Variants in CCDC171 observed in about 807,000 individuals in gnomAD.
The protein encoded by CCDC171 is coiled-coil domain containing 171.
In CCDC171, 177 loss-of-function variants were observed where a neutral mutation model predicts 168.2. That is an observed-to-expected ratio of 1.05 (90% CI 0.93 to 1.19). The LOEUF is 1.19. CCDC171 is among the 50% of genes most tolerant of loss of function. The probability of loss-of-function intolerance (pLI) is 0.00; values close to 1 mark genes in which losing one functional copy is unlikely to be tolerated. For missense variants in CCDC171, 1,991 were observed against 1,539.0 expected (o/e 1.29, Z -4.91); for synonymous variants, 687 against 540.8 (o/e 1.27, Z -3.75).
chr9:15,607,027 A>G (rs928790423), intron 6 of CCDC171, among the ~76,000 whole-genome samples: 1 of 152,224 alleles, frequency 6.6e-6, no homozygotes, highest in Non-Finnish European at 1.5e-5. Flanking sequence ...TGTAAATTGC[A>G]TGAGGTATTT....
intron 3 of CCDC171, among the ~76,000 whole-genome samples, chr9:16,005,432 G>A (rs1209153704): frequency 1.3e-5 from 2 of 152,092 alleles, no homozygotes; most frequent in African/African-American, 4.8e-5. Context: ...CCACCTTTTG[G>A]TCATTGTGAA....
intron 10 of CCDC171, among the ~76,000 whole-genome samples, chr9:15,694,265 T>C (rs1057374967): frequency 6.6e-6 from 1 of 152,214 alleles, no homozygotes; most frequent in Non-Finnish European, 1.5e-5. Context: ...ACAGTATCTG[T>C]AGATGATTCC....
chr9:15,649,267 A>G (rs2047306087), intron 7 of CCDC171, among the ~76,000 whole-genome samples: 1 of 152,258 alleles, frequency 6.6e-6, no homozygotes, highest in African/African-American at 2.4e-5. Flanking sequence ...TTAAAGACTT[A>G]AATGTTAAAC....
intron 3 of CCDC171, among the ~76,000 whole-genome samples, chr9:16,002,542 C>T (rs2987041): frequency 0.41 from 62,886 of 151,732 alleles, 13,129 homozygotes; most frequent in South Asian, 0.52. Context: ...AAAATGTTTT[C>T]TTAAAGATTA....
At chr9:16,033,526 A>C (rs1254501602) in intron 6 of CCDC171, among the ~76,000 whole-genome samples, 1 of 152,174 alleles carries the variant, frequency 6.6e-6, no homozygotes, top group Non-Finnish European at 1.5e-5. Flanking sequence ...TCACCCCCAG[A>C]TGGGACGGCC....
chr9:15,640,479 A>G (rs1587663989), intron 7 of CCDC171, among the ~76,000 whole-genome samples: 1 of 152,144 alleles, frequency 6.6e-6, no homozygotes, highest in Non-Finnish European at 1.5e-5. Context: ...AAAATATATC[A>G]TGTTATTTTA....
chr9:16,072,752 C>T, the CCDC171 span, among the ~76,000 whole-genome samples: 3 of 152,110 alleles, frequency 2.0e-5, no homozygotes, highest in African/African-American at 4.8e-5. Flanking sequence ...CTTTCCTTCT[C>T]GTCCTATTCG....
At chr9:16,089,598 C>G in the CCDC171 span, among the ~76,000 whole-genome samples, 5 of 151,872 alleles carry the variant, frequency 3.3e-5, no homozygotes, top group African/African-American at 1.2e-4. Flanking sequence ...CTGCACATGG[C>G]TAGCCAGTTT....
chr9:15,887,124 C>A (rs1171396090), intron 24 of CCDC171, among the ~76,000 whole-genome samples: 1 of 151,944 alleles, frequency 6.6e-6, no homozygotes, highest in African/African-American at 2.4e-5. Flanking sequence ...TCACCACATA[C>A]ACAAAAGAGG....
At chr9:15,695,106 A>G (rs1439117383) in intron 10 of CCDC171, 129 bp from the exon 11 acceptor site, 4 of 637,710 alleles carry the variant, frequency 6.3e-6, no homozygotes, top group African/African-American at 3.7e-5. Context: ...AGAGAGAAAG[A>G]TGGTTTATTA....
intron 21 of CCDC171, among the ~76,000 whole-genome samples, chr9:15,812,511 C>T (rs1016701810): frequency 6.6e-6 from 1 of 151,994 alleles, no homozygotes; most frequent in African/African-American, 2.4e-5. Flanking sequence ...AAATTTGGGC[C>T]CTCAAATATT....
chr9:15,907,061 C>T (rs1350843219), intron 24 of CCDC171, among the ~76,000 whole-genome samples: 1 of 152,104 alleles, frequency 6.6e-6, no homozygotes, highest in African/African-American at 2.4e-5. Flanking sequence ...GAATCAATAT[C>T]GTGAAAATGG....
chr9:15,582,642 T>C (rs2041222759), intron 4 of CCDC171, among the ~76,000 whole-genome samples: 2 of 152,114 alleles, frequency 1.3e-5, no homozygotes, highest in Admixed American at 1.3e-4. Context: ...GGGACATGCA[T>C]GAAGCTGGAA....
intron 25 of CCDC171, among the ~76,000 whole-genome samples, chr9:15,921,786 A>G (rs1045575205): frequency 6.6e-6 from 1 of 151,410 alleles, no homozygotes; most frequent in African/African-American, 2.4e-5. Flanking sequence ...AAAATTTTGG[A>G]GTATTTGGAA....
chr9:15,941,799 T>A (rs1255295604), intron 25 of CCDC171, among the ~76,000 whole-genome samples: 1 of 151,978 alleles, frequency 6.6e-6, no homozygotes, highest in Non-Finnish European at 1.5e-5. Context: ...TTTTTAAGCA[T>A]AAAATGCAAA....
At chr9:15,775,071 C>T (rs190946849) in intron 18 of CCDC171, among the ~76,000 whole-genome samples, 1 of 150,700 alleles carries the variant, frequency 6.6e-6, no homozygotes, top group African/African-American at 2.4e-5. Flanking sequence ...TTCATGTAAC[C>T]AAACACCACC....
Position 15,724,974 on chromosome 9 carries a change from G to A in CCDC171, c.1690G>A (p.Glu564Lys), listed in dbSNP as rs769729643. 26 of 1,612,554 alleles carry A rather than the reference G, an allele frequency of 1.6e-5. 1 individual carries two copies. The South Asian group carries it at 2.6e-4, about 16-fold the overall frequency. Residue 564 changes from glutamate (E) to lysine (K), a missense_variant and splice_region_variant, in exon 14 of 26, where the codon GAG becomes AAG. Physicochemically the swap from Glu to Lys is moderately conservative, Grantham distance 56 (BLOSUM62 1). Transcript: ENST00000380701. Reference sequence around the variant, plus strand: ...TTCCCAGGCTTTCCATAAGGATGCAGAGGTATTACCTGAGACTCAATGACT... The same window carrying A: ...TTCCCAGGCTTTCCATAAGGATGCAAAGGTATTACCTGAGACTCAATGACT... Reference protein sequence around the residue: ...KLSQAFHKDAEEKLTFLHTLY... With the variant: ...KLSQAFHKDAKEKLTFLHTLY...
chr9:15,761,905 A>C (rs1278091745), intron 18 of CCDC171, among the ~76,000 whole-genome samples: 1 of 152,172 alleles, frequency 6.6e-6, no homozygotes, highest in Non-Finnish European at 1.5e-5. Flanking sequence ...CAGTGAACAG[A>C]TATTTTGTAT....
intron 25 of CCDC171, among the ~76,000 whole-genome samples, chr9:15,940,237 T>A: frequency 6.6e-6 from 1 of 152,114 alleles, no homozygotes; most frequent in South Asian, 2.1e-4. Flanking sequence ...ATAAACTTAA[T>A]GAATAAAGAC....
Sources: gnomAD v4.1 joint callset for allele counts (sites outside exome capture counted in the v4.1 genomes callset) on GRCh38, gnomAD v4.1.1 for gene constraint, MANE v1.5 for transcripts, NCBI Gene and HGNC (gene_info 2026-07-23, HGNC 2026-07-21) for gene names.